Variants in SUGCT observed in about 807,000 individuals in gnomAD.
SUGCT encodes the protein succinyl-CoA:glutarate-CoA transferase, also known as succinyl-CoA:glutarate CoA-transferase.
In SUGCT, 41 loss-of-function variants were observed where a neutral mutation model predicts 55.0. The observed-to-expected ratio is 0.74, with a 90% CI of 0.58 to 0.97. The LOEUF is 0.97. Among genes scored for constraint, SUGCT ranks in the 50% least tolerant of loss-of-function variants. The pLI is 0.00. For missense variants in SUGCT, 568 were observed against 547.8 expected, an observed-to-expected ratio of 1.04 and a Z score of -0.37; for synonymous variants, 187 against 200.4, an observed-to-expected ratio of 0.93 and a Z score of 0.56.
the SUGCT span, among the ~76,000 whole-genome samples, chr7:41,014,537 G>A: frequency 6.6e-6 from 1 of 152,176 alleles, no homozygotes; most frequent in Non-Finnish European, 1.5e-5. Context: ...TCTAAGAAGG[G>A]TAAAAGACTC....
intron 6 of SUGCT, among the ~76,000 whole-genome samples, chr7:40,216,591 C>T (rs1787663632): frequency 1.3e-5 from 2 of 150,844 alleles, no homozygotes; most frequent in South Asian, 2.1e-4. Context: ...GTAGCTCACA[C>T]ATGTAATCTC....
rs537035325 is a variant in SUGCT, at chr7:40,216,470, G to A, written c.485-21165G>A. On this transcript the variant is annotated intron_variant, in intron 6 of 13. Transcript: ENST00000335693. ...AGCCAAGATCGTGCCACTACATTCC[G>A]GCCTGGGCGAAGAGCAAGACTCCGT... Among the ~76,000 whole-genome samples the A allele has an allele frequency of 6.8e-5, 10 of 147,000 alleles. No homozygotes were observed. The South Asian group carries it at 2.1e-3, about 31-fold the overall frequency.
At chr7:41,036,930 C>T in the SUGCT span, among the ~76,000 whole-genome samples, 1 of 152,212 alleles carries the variant, frequency 6.6e-6, no homozygotes, top group Non-Finnish European at 1.5e-5. Context: ...CAGGCACAAA[C>T]TTTGAGTCTA....
intron 6 of SUGCT, among the ~76,000 whole-genome samples, chr7:40,198,731 G>A (rs1786428594): frequency 7.3e-6 from 1 of 137,572 alleles, no homozygotes; most frequent in Admixed American, 7.0e-5. Context: ...GTATGGTGGT[G>A]GGTGACTGTA....
chr7:40,897,565 G>A, the SUGCT span, among the ~76,000 whole-genome samples: 1 of 152,098 alleles, frequency 6.6e-6, no homozygotes, highest in Non-Finnish European at 1.5e-5. Context: ...GTGACACTCT[G>A]GTGGCTGGGA....
intron 7 of SUGCT, among the ~76,000 whole-genome samples, chr7:40,271,888 G>C (rs1584522375): frequency 6.6e-6 from 1 of 151,600 alleles, no homozygotes; most frequent in Non-Finnish European, 1.5e-5. Context: ...ATCTTCATGA[G>C]ATCTACTTTG....
the SUGCT span, among the ~76,000 whole-genome samples, chr7:41,032,555 C>T: frequency 1.3e-5 from 2 of 152,130 alleles, no homozygotes; most frequent in African/African-American, 4.8e-5. Context: ...GAAAGTCAGA[C>T]CAGAAAGACG....
intron 12 of SUGCT, among the ~76,000 whole-genome samples, chr7:40,700,307 G>C (rs1370391237): frequency 6.6e-6 from 1 of 152,112 alleles, no homozygotes; most frequent in Non-Finnish European, 1.5e-5. Flanking sequence ...CAAGCATTCA[G>C]GAGAACTTAG....
the SUGCT span, among the ~76,000 whole-genome samples, chr7:41,023,626 A>C: frequency 6.6e-6 from 1 of 152,188 alleles, no homozygotes; most frequent in South Asian, 2.1e-4. Context: ...TGACAATAAT[A>C]AAACAGTTCC....
At chr7:40,751,365 T>G (rs1788002779) in intron 13 of SUGCT, among the ~76,000 whole-genome samples, 1 of 152,070 alleles carries the variant, frequency 6.6e-6, no homozygotes, top group South Asian at 2.1e-4. Context: ...AATCACACAA[T>G]TTACAGCTTA....
chr7:40,158,704 T>A (rs539694035), intron 1 of SUGCT, among the ~76,000 whole-genome samples: 1 of 152,122 alleles, frequency 6.6e-6, no homozygotes, highest in Non-Finnish European at 1.5e-5. Flanking sequence ...GAGCTGAGAT[T>A]GTGCCACTTC....
chr7:40,417,457 C>A (rs1787065487), intron 9 of SUGCT, among the ~76,000 whole-genome samples: 1 of 151,520 alleles, frequency 6.6e-6, no homozygotes, highest in African/African-American at 2.4e-5. Context: ...ATTTTCAGAC[C>A]TAAGGATTAT....
At chr7:40,337,657 G>A (rs895533614) in intron 9 of SUGCT, among the ~76,000 whole-genome samples, 8 of 152,092 alleles carry the variant, frequency 5.3e-5, no homozygotes, top group African/African-American at 1.9e-4. Flanking sequence ...CATGTGAGAT[G>A]GGTCTCCTGA....
intron 13 of SUGCT, among the ~76,000 whole-genome samples, chr7:40,754,829 A>G (rs540950453): frequency 2.5e-4 from 38 of 152,336 alleles, no homozygotes; most frequent in African/African-American, 8.7e-4. Context: ...TTGATGACCT[A>G]TTTAAATTTG....
chr7:40,860,313 C>A lies in SUGCT; in HGVS notation c.1154-3C>A, dbSNP rs752287587. 8.7e-6 allele frequency: 14 copies of A among 1,613,818 alleles called. No homozygotes were observed. The highest frequency in any genetic ancestry group is 1.2e-5 in the Non-Finnish European group (14 of 1,179,848). ...GCTTCCTGCTTTCCTTCTCCTTTGG[C>A]AGGCCCAGCTGTGAGATACAGTAAG... On this transcript the variant is annotated splice_polypyrimidine_tract_variant and splice_region_variant and intron_variant, in intron 13 of 13. Transcript: ENST00000335693.
At chr7:40,721,590 T>G (rs1210481306) in intron 12 of SUGCT, among the ~76,000 whole-genome samples, 3 of 152,236 alleles carry the variant, frequency 2.0e-5, no homozygotes, top group African/African-American at 7.2e-5. Flanking sequence ...TACAGCCAAC[T>G]GGCAGCTGGT....
At chr7:40,662,057 A>G (rs1333460163) in intron 12 of SUGCT, among the ~76,000 whole-genome samples, 1 of 152,190 alleles carries the variant, frequency 6.6e-6, no homozygotes, top group Non-Finnish European at 1.5e-5. Context: ...GTTTTTGTCA[A>G]ACGTATCTCC....
intron 7 of SUGCT, among the ~76,000 whole-genome samples, chr7:40,259,322 T>A (rs1791060901): frequency 6.6e-6 from 1 of 151,600 alleles, no homozygotes; most frequent in African/African-American, 2.4e-5. Flanking sequence ...ACATGTGGAG[T>A]TTTTTCAATC....
chr7:41,006,820 T>C, the SUGCT span, among the ~76,000 whole-genome samples: 1 of 152,210 alleles, frequency 6.6e-6, no homozygotes, highest in Non-Finnish European at 1.5e-5. Flanking sequence ...TTCTTCCGCA[T>C]TTTAAGATTG....
Sources: gnomAD v4.1 joint callset for allele counts (sites outside exome capture counted in the v4.1 genomes callset) on GRCh38, gnomAD v4.1.1 for gene constraint, MANE v1.5 for transcripts, NCBI Gene and HGNC (gene_info 2026-07-23, HGNC 2026-07-21) for gene names.